EYS: variants seen among roughly 807,000 people sequenced by gnomAD.
EYS encodes EGF-like photoreceptor maintenance factor.
A neutral mutation model predicts 282.1 loss-of-function variants in EYS; 250 were observed. The observed-to-expected ratio is 0.89, with a 90% confidence interval of 0.80 to 0.98. The LOEUF (loss-of-function observed/expected upper bound fraction) is 0.98. Ranked by LOEUF, EYS falls within the 50% of genes least tolerant of loss-of-function variation. The pLI, the probability that EYS is intolerant of heterozygous loss-of-function variation, is 0.00. For synonymous variants in EYS, 1,355 were observed against 1,282.9 expected (o/e 1.06, Z -1.20); for missense variants, 4,016 against 3,709.0 (o/e 1.08, Z -2.15).
intron 2 of EYS, among the ~76,000 whole-genome samples, chr6:65,603,980 G>A (rs906586616): frequency 6.6e-6 from 1 of 151,560 alleles, no homozygotes; most frequent in African/African-American, 2.4e-5. Flanking sequence ...TCCTTGATTT[G>A]AATGACTTCT....
intron 11 of EYS, among the ~76,000 whole-genome samples, chr6:65,309,580 C>A (rs565280027): frequency 4.0e-4 from 61 of 152,162 alleles, no homozygotes; most frequent in African/African-American, 1.4e-3. Context: ...TAAGTAAACA[C>A]ACTAGTAGAC....
chr6:64,693,380 C>T (rs1250307493), intron 22 of EYS, among the ~76,000 whole-genome samples: 1 of 151,860 alleles, frequency 6.6e-6, no homozygotes, highest in Non-Finnish European at 1.5e-5. Flanking sequence ...TACACATTTG[C>T]TAATTTTATG....
chr6:64,001,026 C>G (rs1320958751), intron 33 of EYS, among the ~76,000 whole-genome samples: 1 of 152,146 alleles, frequency 6.6e-6, no homozygotes, highest in Admixed American at 6.5e-5. Context: ...GAGGAAAAGC[C>G]TAAGAGCATA....
At chr6:63,928,840 T>C (rs1376036506) in intron 35 of EYS, among the ~76,000 whole-genome samples, 2 of 152,162 alleles carry the variant, frequency 1.3e-5, no homozygotes, top group Non-Finnish European at 2.9e-5. Flanking sequence ...AAAACCCACC[T>C]AGGGGGCCTG....
At chr6:65,496,684 A>G (rs1166160904) in intron 2 of EYS, among the ~76,000 whole-genome samples, 1 of 152,112 alleles carries the variant, frequency 6.6e-6, no homozygotes, top group Non-Finnish European at 1.5e-5. Context: ...GAGTCACTCA[A>G]TAAATAGTAG....
intron 26 of EYS, among the ~76,000 whole-genome samples, chr6:64,503,055 T>C (rs1317228736): frequency 6.6e-6 from 1 of 152,266 alleles, no homozygotes; most frequent in East Asian, 1.9e-4. Flanking sequence ...TGTTATTTTA[T>C]TAGCATGAGC....
chr6:65,230,601 T>C (rs593403), intron 12 of EYS, among the ~76,000 whole-genome samples: 101,187 of 151,588 alleles, frequency 0.67, 35,014 homozygotes, highest in East Asian at 0.89. Flanking sequence ...TTTATTTTCA[T>C]GTCTTTTTTT....
intron 14 of EYS, among the ~76,000 whole-genome samples, chr6:64,977,835 C>T (rs1309793743): frequency 1.3e-5 from 2 of 151,882 alleles, no homozygotes; most frequent in Non-Finnish European, 2.9e-5. Flanking sequence ...GAAACCCAAT[C>T]TAGAGCAAGA....
At chr6:64,418,101 A>G (rs1470879510) in intron 28 of EYS, among the ~76,000 whole-genome samples, 1 of 152,150 alleles carries the variant, frequency 6.6e-6, no homozygotes, top group African/African-American at 2.4e-5. Flanking sequence ...GAGACAGGGA[A>G]ACCACAGGGT....
At chr6:64,642,653 T>A (rs1202431633) in intron 22 of EYS, among the ~76,000 whole-genome samples, 1 of 152,214 alleles carries the variant, frequency 6.6e-6, no homozygotes, top group Non-Finnish European at 1.5e-5. Context: ...AATTTTTGAG[T>A]AGCCAGGGTT....
At chr6:65,443,179 C>T (rs114569324) in intron 5 of EYS, among the ~76,000 whole-genome samples, 2 of 151,698 alleles carry the variant, frequency 1.3e-5, no homozygotes, top group African/African-American at 4.8e-5. Flanking sequence ...CATATGTGCA[C>T]ATCATATACA....
At chr6:64,830,234 T>C (rs1765174253) in intron 19 of EYS, among the ~76,000 whole-genome samples, 1 of 151,960 alleles carries the variant, frequency 6.6e-6, no homozygotes, top group African/African-American at 2.4e-5. Flanking sequence ...CACCTTGATC[T>C]TGGACTTCTT....
chr6:65,295,722 T>C, intron 12 of EYS, 141 bp downstream of exon 12: 1 of 768,280 alleles, frequency 1.3e-6, no homozygotes, highest in South Asian at 1.9e-5. Flanking sequence ...ATGCATTTTT[T>C]TTTTTACTTT....
At chr6:65,311,667 T>TTA (rs1769164773) in intron 11 of EYS, among the ~76,000 whole-genome samples, 1 of 152,210 alleles carries the variant, frequency 6.6e-6, no homozygotes, top group Non-Finnish European at 1.5e-5. Context: ...TTGAGTATTA[T>TTA]TATATGAGTA....
intron 12 of EYS, among the ~76,000 whole-genome samples, chr6:65,169,313 A>T (rs1485034959): frequency 6.6e-6 from 1 of 151,472 alleles, no homozygotes; most frequent in African/African-American, 2.4e-5. Flanking sequence ...CATAAATCAC[A>T]CCTAAGCTGT....
intron 36 of EYS, among the ~76,000 whole-genome samples, chr6:63,815,688 T>C (rs186710815): frequency 6.6e-6 from 1 of 152,338 alleles, no homozygotes; most frequent in Admixed American, 6.5e-5. Flanking sequence ...TAAGTTTTAA[T>C]AGAAGCTCAA....
At chr6:64,198,726 C>G (rs1041227894) in intron 31 of EYS, among the ~76,000 whole-genome samples, 1 of 152,102 alleles carries the variant, frequency 6.6e-6, no homozygotes, top group Non-Finnish European at 1.5e-5. Flanking sequence ...CAGTCTATCA[C>G]TGATGGGTAT....
At chr6:63,934,761 A>AG (rs1027230649) in intron 35 of EYS, among the ~76,000 whole-genome samples, 1 of 83,680 alleles carries the variant, frequency 1.2e-5, no homozygotes, top group Non-Finnish European at 2.3e-5. Flanking sequence ...GCAGAGGGGG[A>AG]GGGGGGAGGG....
At chr6:64,812,870 C>A (rs1764639138) in intron 22 of EYS, among the ~76,000 whole-genome samples, 1 of 151,930 alleles carries the variant, frequency 6.6e-6, no homozygotes, top group Non-Finnish European at 1.5e-5. Context: ...GAAAAAAATT[C>A]ATCTCCTAAA....
Sources: allele counts gnomAD v4.1 joint callset (sites outside exome capture counted in the v4.1 genomes callset), GRCh38; gene constraint gnomAD v4.1.1; transcripts MANE v1.5; gene names NCBI Gene and HGNC (gene_info 2026-07-23, HGNC 2026-07-21).